The following HSF2 variants were observed in gnomAD, a reference collection of about 807,000 sequenced individuals.
HSF2 encodes the protein heat shock factor protein 2.
A neutral mutation model predicts 65.0 loss-of-function variants in HSF2; 21 were observed. The ratio of observed to expected loss-of-function variants is 0.32; its 90% CI spans 0.23 to 0.47. HSF2 has a LOEUF of 0.47. HSF2 is among the 20% of genes least tolerant of loss of function. The pLI is 1.00. For synonymous variants in HSF2, 225 were observed against 219.1 expected (o/e 1.03, Z -0.24); for missense variants, 499 against 628.1 (o/e 0.79, Z 2.20).
Position 122,399,679 on chromosome 6 carries a change from C to T in HSF2, c.-59C>T, listed in dbSNP as rs542744476. Reference sequence around the variant, plus strand: ...TCTCGGGGAGCTGCTGCCGTAGCTGCCGCCGCCGCTACCACCGCGTTCGGG... The same window carrying T: ...TCTCGGGGAGCTGCTGCCGTAGCTGTCGCCGCCGCTACCACCGCGTTCGGG... On this transcript the variant is annotated 5_prime_UTR_variant, in exon 1 of 13. Coordinates refer to ENST00000368455, the MANE Select transcript of HSF2 (RefSeq NM_004506.4). 2.5e-5 allele frequency: 36 copies of T among 1,448,150 alleles called. No homozygotes were observed. The African/African-American group carries it at 3.1e-4, about 13-fold the overall frequency. 89.7% of individuals were successfully genotyped at this position (1,448,150 alleles called of 1,614,324 possible).
chr6:122,431,585 G>T, intron 12 of HSF2, 71 bp downstream of exon 12: 1 of 825,628 alleles, frequency 1.2e-6, no homozygotes, highest in Admixed American at 2.2e-5. Context: ...GCAAGCCGAG[G>T]GTAGTCTTAA....
rs751267001 is a variant in HSF2, at chr6:122,423,649, G to A, written c.1139G>A (p.Gly380Glu). 1 of 1,610,068 alleles carries A rather than the reference G, an allele frequency of 6.2e-7. No homozygotes were observed. Among genetic ancestry groups the A allele is most frequent in the South Asian group, 1.1e-5 (1 of 90,700 alleles). The change falls in exon 10 of 13, where the codon GGA (glycine) becomes GAA (glutamate). Residue 380 changes from glycine to glutamate, a missense_variant. Transcript: ENST00000368455. ...GAGGACTTCCAGGCCATGCTATCAGGAAGACAATTTAGCATAGACCCAGAT... is the reference window on the plus strand; with the variant it reads ...GAGGACTTCCAGGCCATGCTATCAGAAAGACAATTTAGCATAGACCCAGAT... ...SLEDFQAMLS[G>E]RQFSIDPDLL... is the part of the protein sequence containing the mutation.
intron 5 of HSF2, among the ~76,000 whole-genome samples, chr6:122,418,681 A>G (rs530597583): frequency 3.9e-5 from 6 of 152,218 alleles, no homozygotes; most frequent in African/African-American, 1.4e-4. Flanking sequence ...GATGTTGCCC[A>G]GGCTGGTCTC....
chr6:122,431,456 C>T lies in HSF2; in HGVS notation c.1257C>T (p.Thr419=). ...CTGAGAATAAAGGATTAGAAACTAC[C>T]AAGAACAATGTAGTTCAGCCAGTTT... ...TKSENKGLET[T]KNNVVQPVSE... Residue 419 remains threonine, a synonymous_variant, in exon 12 of 13, where the codon ACC becomes ACT. Transcript: ENST00000368455. The T allele has an allele frequency of 1.3e-6, 2 of 1,574,386 alleles. No individual in the cohort carries two copies. Among genetic ancestry groups the T allele is most frequent in the Non-Finnish European group, 1.7e-6 (2 of 1,154,828 alleles).
chr6:122,401,972 T>A (rs1773743545), intron 1 of HSF2, among the ~76,000 whole-genome samples: 1 of 152,190 alleles, frequency 6.6e-6, no homozygotes, highest in African/African-American at 2.4e-5. Flanking sequence ...GGCTCACATG[T>A]GGCCAAGGAT....
At chr6:122,413,174 A>G (rs1381022615) in intron 3 of HSF2, among the ~76,000 whole-genome samples, 5 of 152,084 alleles carry the variant, frequency 3.3e-5, no homozygotes, top group Admixed American at 2.0e-4. Context: ...AAAATGGCCT[A>G]GCATGAACCT....
At chr6:122,425,621 G>C (rs73539087) in intron 10 of HSF2, among the ~76,000 whole-genome samples, 205 of 152,068 alleles carry the variant, frequency 1.3e-3, no homozygotes, top group African/African-American at 4.7e-3. Flanking sequence ...TAGAGGTGCT[G>C]TACTTTTTTG....
rs1387782406 is a variant in HSF2 at position 122,432,454 on chromosome 6, TG to T, written c.*236del. 1.5e-4 allele frequency: 59 copies of T among 399,908 alleles called. No individual in the cohort carries two copies. In the East Asian group the frequency reaches 2.4e-3, roughly 16 times the overall value. The allele number at this position is 399,908 out of a possible 1,614,324, so 24.8% of individuals were successfully genotyped here. A position where few individuals can be genotyped will look rare whatever the true frequency, so the allele number is the denominator to read the frequency against. Reference sequence around the variant, plus strand: ...GCACATTATTGGCGTATCTTTAAGTTGGATTCAAATGGCCATTTTTCTCCAA... The same window carrying T: ...GCACATTATTGGCGTATCTTTAAGTTGATTCAAATGGCCATTTTTCTCCAA... On this transcript the variant is annotated 3_prime_UTR_variant, in exon 13 of 13. Coordinates refer to ENST00000368455, the MANE Select transcript of HSF2 (RefSeq NM_004506.4).
At position 122,399,728 on chromosome 6, in the gene HSF2, C is replaced by T. The variant is rs540923705; in HGVS notation, c.-10C>T. The T allele has an allele frequency of 3.5e-5, 56 of 1,608,176 alleles. 1 individual carries two copies. In the Admixed American group the frequency reaches 8.7e-4, roughly 25 times the overall value. ...GGTGTAGAATTTGGAATCCCTGCGCCGCGTTAACAATGAAGCAGAGTTCGA... is the reference window on the plus strand; with the variant it reads ...GGTGTAGAATTTGGAATCCCTGCGCTGCGTTAACAATGAAGCAGAGTTCGA... On this transcript the variant is annotated 5_prime_UTR_variant, in exon 1 of 13. Coordinates refer to ENST00000368455, the MANE Select transcript of HSF2 (RefSeq NM_004506.4).
rs774201763 is a variant in HSF2 at position 122,432,009 on chromosome 6, C to G, written c.1400C>G (p.Thr467Arg). The change falls in exon 13 of 13, where the codon ACA (threonine) becomes AGA (arginine). Residue 467 changes from threonine (T) to arginine (R), a missense_variant. By Grantham distance (71) the Thr-to-Arg change is moderately conservative (BLOSUM62 -1). Transcript: ENST00000368455. ...GCTTCTTCTGTTGAACAGGCGAGTACAACAGCATCATCAGAAGTTTTGTCC... is the reference window on the plus strand; with the variant it reads ...GCTTCTTCTGTTGAACAGGCGAGTAGAACAGCATCATCAGAAGTTTTGTCC... The part of the protein sequence containing the change: ...NPASSVEQAS[T>R]TASSEVLSSV... The G allele has an allele frequency of 6.2e-7, 1 of 1,613,976 alleles. No homozygotes were observed. The highest frequency in any genetic ancestry group is 1.1e-5 in the South Asian group (1 of 91,072).
intron 10 of HSF2, 71 bp downstream of exon 10, chr6:122,423,757 C>T (rs1010858978): frequency 3.5e-5 from 27 of 766,888 alleles, no homozygotes; most frequent in African/African-American, 5.4e-5. Context: ...AAAACCAGTA[C>T]GTCATTTTGT....
chr6:122,407,411 T>A (rs756490373), intron 1 of HSF2, among the ~76,000 whole-genome samples: 2 of 152,142 alleles, frequency 1.3e-5, no homozygotes, highest in Non-Finnish European at 2.9e-5. Flanking sequence ...TTAATCTGCC[T>A]CTTCAAAACT....
Position 122,432,285 on chromosome 6 carries a change from A to G in HSF2, c.*65A>G. 4 of 1,326,732 alleles carry G rather than the reference A, an allele frequency of 3.0e-6. No homozygotes were observed. Among genetic ancestry groups the G allele is most frequent in the Non-Finnish European group, 4.2e-6 (4 of 958,048 alleles). 82.2% of individuals were successfully genotyped at this position (1,326,732 alleles called of 1,614,324 possible). A position where few individuals can be genotyped will look rare whatever the true frequency, so the allele number is the denominator to read the frequency against. On this transcript the variant is annotated 3_prime_UTR_variant, in exon 13 of 13. Transcript: ENST00000368455. ...AATGATGAACTATTTATTTTAAAGT[A>G]TCATTTGGTACTTTTTTTGTAAATT...
chr6:122,399,683 C>CGTAGCT lies in HSF2; in HGVS notation c.-54_-53insTAGCTG. On this transcript the variant is annotated 5_prime_UTR_variant, in exon 1 of 13. Transcript: ENST00000368455. Reference sequence around the variant, plus strand: ...GGGGAGCTGCTGCCGTAGCTGCCGCCGCCGCTACCACCGCGTTCGGGTGTA... The same window carrying CGTAGCT: ...GGGGAGCTGCTGCCGTAGCTGCCGCCGTAGCTGCCGCTACCACCGCGTTCGGGTGTA... 1 of 1,475,496 alleles carries CGTAGCT rather than the reference C, an allele frequency of 6.8e-7. No individual in the cohort carries two copies. Among genetic ancestry groups the CGTAGCT allele is most frequent in the Non-Finnish European group, 9.4e-7 (1 of 1,064,480 alleles). The allele number at this position is 1,475,496 out of a possible 1,614,324, so 91.4% of individuals were successfully genotyped here.
At chr6:122,400,651 A>G (rs553232807) in intron 1 of HSF2, among the ~76,000 whole-genome samples, 173 of 152,334 alleles carry the variant, frequency 1.1e-3, no homozygotes, top group Middle Eastern at 6.8e-3. Context: ...TAAATCTTTC[A>G]TAAGATGGAT....
At chr6:122,414,497 C>T (rs1375585130) in intron 4 of HSF2, among the ~76,000 whole-genome samples, 2 of 152,134 alleles carry the variant, frequency 1.3e-5, no homozygotes, top group African/African-American at 2.4e-5. Context: ...AACTTGTTTA[C>T]TGTATGTATC....
chr6:122,414,545 G>T (rs6909985), intron 4 of HSF2, among the ~76,000 whole-genome samples: 21,533 of 152,060 alleles, frequency 0.14, 1,620 homozygotes, highest in East Asian at 0.26. Context: ...AGTTCCTTGG[G>T]ACCACAGTTT....
At chr6:122,422,609 GC>G (rs1273035936) in intron 8 of HSF2, 108 bp from the exon 9 acceptor site, 1 of 1,121,636 alleles carries the variant, frequency 8.9e-7, no homozygotes, top group Non-Finnish European at 1.3e-6. Context: ...AGAAATTTAA[GC>G]CTTTCAGTAT....
chr6:122,399,672 G>A lies in HSF2; in HGVS notation c.-66G>A. On this transcript the variant is annotated 5_prime_UTR_variant, in exon 1 of 13. Transcript: ENST00000368455. Reference sequence around the variant, plus strand: ...TGGGCGTTCTCGGGGAGCTGCTGCCGTAGCTGCCGCCGCCGCTACCACCGC... The same window carrying A: ...TGGGCGTTCTCGGGGAGCTGCTGCCATAGCTGCCGCCGCCGCTACCACCGC... 7.2e-7 allele frequency: 1 copy of A among 1,392,566 alleles called. No individual in the cohort carries two copies. The highest frequency in any genetic ancestry group is 1.0e-6 in the Non-Finnish European group (1 of 991,728). The allele number at this position is 1,392,566 out of a possible 1,614,324, so 86.3% of individuals were successfully genotyped here.
Sources: gnomAD v4.1 joint callset for allele counts (sites outside exome capture counted in the v4.1 genomes callset) on GRCh38, gnomAD v4.1.1 for gene constraint, MANE v1.5 for transcripts, NCBI Gene and HGNC (gene_info 2026-07-23, HGNC 2026-07-21) for gene names.